Variants in CTNNA3 observed in about 807,000 individuals in gnomAD.
CTNNA3 encodes catenin alpha 3.
CTNNA3 carries 76 observed loss-of-function variants against 95.7 expected under a neutral mutation model. The ratio of observed to expected loss-of-function variants is 0.79; its 90% CI spans 0.66 to 0.96. The LOEUF (loss-of-function observed/expected upper bound fraction) is 0.96, where lower values mean the gene tolerates loss of function less well. Among genes scored for constraint, CTNNA3 ranks in the 40% least tolerant of loss-of-function variants. The probability of loss-of-function intolerance (pLI) is 0.00; values close to 1 mark genes in which losing one functional copy is unlikely to be tolerated. For synonymous variants in CTNNA3, 431 were observed against 374.4 expected (o/e 1.15, Z -1.74); for missense variants, 1,191 against 1,089.8 (o/e 1.09, Z -1.31).
intron 12 of CTNNA3, among the ~76,000 whole-genome samples, chr10:66,372,196 C>A (rs1337928909): frequency 2.0e-5 from 3 of 152,076 alleles, no homozygotes; most frequent in East Asian, 1.9e-4. Flanking sequence ...AACCCAGAAC[C>A]AAAACTAATA....
chr10:66,013,714 AC>A (rs1171388835), intron 15 of CTNNA3, among the ~76,000 whole-genome samples: 1 of 152,210 alleles, frequency 6.6e-6, no homozygotes, highest in African/African-American at 2.4e-5. Context: ...TAATTTAGGC[AC>A]CACATTGTCA....
intron 12 of CTNNA3, 135 bp downstream of exon 12, chr10:66,379,017 G>T: frequency 1.5e-6 from 1 of 683,880 alleles, no homozygotes; most frequent in Non-Finnish European, 2.5e-6. Context: ...CATAACCAAA[G>T]TGTGCAAGCA....
chr10:66,616,463 T>A (rs948343922), intron 10 of CTNNA3, among the ~76,000 whole-genome samples: 1 of 152,092 alleles, frequency 6.6e-6, no homozygotes, highest in Admixed American at 6.6e-5. Flanking sequence ...ATGAGAGTGA[T>A]TGTGTTCCTC....
At chr10:66,900,683 A>G (rs1374403610) in intron 7 of CTNNA3, among the ~76,000 whole-genome samples, 1 of 152,188 alleles carries the variant, frequency 6.6e-6, no homozygotes, top group Non-Finnish European at 1.5e-5. Flanking sequence ...AAGACCTTCA[A>G]TGGCCTGATG....
At chr10:67,488,705 T>C (rs970630625) in intron 5 of CTNNA3, among the ~76,000 whole-genome samples, 2 of 140,402 alleles carry the variant, frequency 1.4e-5, no homozygotes, top group Admixed American at 1.4e-4. Context: ...AAGTCCCTTC[T>C]GTCACCTAGG....
At chr10:66,689,270 G>A (rs554988872) in intron 9 of CTNNA3, among the ~76,000 whole-genome samples, 6 of 152,262 alleles carry the variant, frequency 3.9e-5, no homozygotes, top group Non-Finnish European at 5.9e-5. Flanking sequence ...ATACTGAATT[G>A]AAGCAGAACT....
chr10:67,260,571 G>A (rs1253891934), intron 5 of CTNNA3, among the ~76,000 whole-genome samples: 1 of 152,128 alleles, frequency 6.6e-6, no homozygotes, highest in East Asian at 1.9e-4. Context: ...CAAACCATTA[G>A]GCAAGAAGTG....
At chr10:66,534,540 T>C (rs1346721061) in intron 10 of CTNNA3, among the ~76,000 whole-genome samples, 1 of 149,376 alleles carries the variant, frequency 6.7e-6, no homozygotes, top group Non-Finnish European at 1.5e-5. Flanking sequence ...CTATAAATCA[T>C]ACATTTATGT....
intron 9 of CTNNA3, among the ~76,000 whole-genome samples, chr10:66,642,576 G>C (rs1184689092): frequency 6.6e-6 from 1 of 152,062 alleles, no homozygotes; most frequent in African/African-American, 2.4e-5. Context: ...GTGTTTACCA[G>C]AGCTTTACTA....
Position 67,682,707 on chromosome 10 carries a change from C to G in CTNNA3, c.-6+13293G>C, listed in dbSNP as rs895781879. 1.6e-4 allele frequency among the ~76,000 whole-genome samples: 25 copies of G among 152,144 alleles called. 1 individual carries two copies. On this transcript the variant is annotated intron_variant, in intron 1 of 17. Transcript: ENST00000433211. ...TTTAAAATAAACATTCCCATTGATA[C>G]AGCAATTCCACTTCCATGAACGTAT...
At chr10:66,401,518 AACACACACAC>A (rs140986771) in intron 11 of CTNNA3, among the ~76,000 whole-genome samples, 14,931 of 143,954 alleles carry the variant, frequency 0.1, 969 homozygotes, top group East Asian at 0.21. Flanking sequence ...TGTGTCTCAA[AACACACACAC>A]ACACACACAC....
At chr10:67,191,005 A>G (rs1863095324) in intron 6 of CTNNA3, among the ~76,000 whole-genome samples, 1 of 152,058 alleles carries the variant, frequency 6.6e-6, no homozygotes, top group African/African-American at 2.4e-5. Flanking sequence ...CATAAGTCAT[A>G]AGGGAGATGC....
At chr10:67,121,449 C>A (rs998451719) in intron 7 of CTNNA3, among the ~76,000 whole-genome samples, 6 of 151,912 alleles carry the variant, frequency 3.9e-5, no homozygotes, top group Non-Finnish European at 7.4e-5. Context: ...CAATGGCATC[C>A]AAAGAGATGG....
intron 17 of CTNNA3, among the ~76,000 whole-genome samples, chr10:65,926,650 A>G (rs2077173275): frequency 6.6e-6 from 1 of 151,834 alleles, no homozygotes; most frequent in Non-Finnish European, 1.5e-5. Flanking sequence ...CTAATTTTGT[A>G]TTTTTAGTAG....
chr10:66,271,114 C>G (rs971083496), intron 13 of CTNNA3, among the ~76,000 whole-genome samples: 1 of 152,100 alleles, frequency 6.6e-6, no homozygotes, highest in South Asian at 2.1e-4. Context: ...GTGACTTTCC[C>G]TACCAGTATA....
In CTNNA3 at chr10:65,975,157, G is replaced by T. The variant is rs1020663090; in HGVS notation, c.2266-8411C>A. On this transcript the variant is annotated intron_variant, in intron 16 of 17. Coordinates refer to ENST00000433211, the MANE Select transcript of CTNNA3 (RefSeq NM_013266.4). ...GATAATAATCAACAAAGGTAGCAAAGAATTCAACTCTTCTGCAGAAATACT... is the reference window on the plus strand; with the variant it reads ...GATAATAATCAACAAAGGTAGCAAATAATTCAACTCTTCTGCAGAAATACT... Among the ~76,000 whole-genome samples, 5 of 152,212 alleles carry T rather than the reference G, an allele frequency of 3.3e-5. No individual in the cohort carries two copies. The South Asian group carries it at 8.3e-4, about 25-fold the overall frequency.
rs548051733 is a variant in CTNNA3 at position 66,106,164 on chromosome 10, G to A, written c.1885-2915C>T. ...GGAGGTTGCAGCGAGCCGAGATCGC[G>A]CCATTGCACTCCAGCCTGGGCAACA... On this transcript the variant is annotated intron_variant, in intron 13 of 17. Transcript: ENST00000433211. 4.7e-5 allele frequency among the ~76,000 whole-genome samples: 7 copies of A among 150,044 alleles called. No individual in the cohort carries two copies. In the South Asian group the frequency reaches 8.5e-4, roughly 18 times the overall value.
intron 5 of CTNNA3, among the ~76,000 whole-genome samples, chr10:67,402,215 C>T (rs911194973): frequency 1.4e-4 from 21 of 152,244 alleles, no homozygotes; most frequent in African/African-American, 5.1e-4. Flanking sequence ...GATTCAAGGG[C>T]TGAAAGGTGA....
intron 12 of CTNNA3, among the ~76,000 whole-genome samples, chr10:66,354,647 G>A (rs1463666886): frequency 1.3e-5 from 2 of 152,050 alleles, no homozygotes; most frequent in African/African-American, 4.8e-5. Context: ...CTTGGGTAAC[G>A]TCCTTAGCCT....
Sources: allele counts gnomAD v4.1 joint callset (sites outside exome capture counted in the v4.1 genomes callset), GRCh38; gene constraint gnomAD v4.1.1; transcripts MANE v1.5; gene names NCBI Gene and HGNC (gene_info 2026-07-23, HGNC 2026-07-21).